The following SPECC1 variants were observed in gnomAD, a reference collection of about 807,000 sequenced individuals.
SPECC1 encodes the protein sperm antigen with calponin homology and coiled-coil domains 1, also known as cytospin-B.
A neutral mutation model predicts 104.1 loss-of-function variants in SPECC1; 62 were observed. That is an observed-to-expected ratio of 0.60 (90% CI 0.49 to 0.74). SPECC1 has a LOEUF of 0.74. Among genes scored for constraint, SPECC1 ranks in the 30% least tolerant of loss-of-function variants. The pLI, the probability that SPECC1 is intolerant of heterozygous loss-of-function variation, is 0.00. For synonymous variants in SPECC1, 513 were observed against 501.6 expected (o/e 1.02, Z -0.30); for missense variants, 1,306 against 1,310.5 (o/e 1.00, Z 0.05).
intron 5 of SPECC1, among the ~76,000 whole-genome samples, chr17:20,230,017 TGAA>T (rs1158741641): frequency 9.2e-5 from 14 of 152,156 alleles, no homozygotes; most frequent in Non-Finnish European, 1.9e-4. Flanking sequence ...ATCAGGAGGC[TGAA>T]GAAGAATTTA....
intron 13 of SPECC1, among the ~76,000 whole-genome samples, chr17:20,303,605 A>G (rs1324183965): frequency 6.6e-6 from 1 of 152,184 alleles, no homozygotes; most frequent in Middle Eastern, 3.2e-3. Flanking sequence ...AAGGGTATAA[A>G]ATGATGTATG....
intron 12 of SPECC1, among the ~76,000 whole-genome samples, chr17:20,264,308 C>A (rs1567591895): frequency 6.6e-6 from 1 of 151,942 alleles, no homozygotes; most frequent in African/African-American, 2.4e-5. Context: ...TTGCTTGATG[C>A]TGAGGCTTGA....
chr17:20,177,024 C>T (rs1015196384), intron 3 of SPECC1, among the ~76,000 whole-genome samples: 1 of 152,088 alleles, frequency 6.6e-6, no homozygotes, highest in Non-Finnish European at 1.5e-5. Flanking sequence ...GTGTGGACCT[C>T]AGACAAGGAA....
At chr17:20,099,427 C>G (rs1229328529) in intron 2 of SPECC1, among the ~76,000 whole-genome samples, 1 of 146,052 alleles carries the variant, frequency 6.8e-6, no homozygotes, top group Non-Finnish European at 1.5e-5. Flanking sequence ...GCTTATGCCA[C>G]TTTGGGAGGC....
At chr17:20,107,920 A>G (rs1312406702) in intron 2 of SPECC1, among the ~76,000 whole-genome samples, 1 of 152,204 alleles carries the variant, frequency 6.6e-6, no homozygotes, top group Non-Finnish European at 1.5e-5. Context: ...CTGAGGCAGG[A>G]AAGCCCAGGA....
chr17:20,253,204 A>G (rs2151568487), intron 9 of SPECC1, among the ~76,000 whole-genome samples: 1 of 152,306 alleles, frequency 6.6e-6, no homozygotes, highest in South Asian at 2.1e-4. Context: ...ATATACATAG[A>G]ACATTCCAGG....
At chr17:20,292,729 C>T (rs995651197) in intron 12 of SPECC1, among the ~76,000 whole-genome samples, 3 of 152,142 alleles carry the variant, frequency 2.0e-5, no homozygotes, top group Non-Finnish European at 4.4e-5. Context: ...CCCAGTGGCC[C>T]CAGAAGTTAC....
intron 9 of SPECC1, among the ~76,000 whole-genome samples, chr17:20,249,460 A>G (rs1185113687): frequency 6.6e-6 from 1 of 152,170 alleles, no homozygotes; most frequent in African/African-American, 2.4e-5. Flanking sequence ...ATACAAATAG[A>G]TAATACCAAA....
intron 12 of SPECC1, among the ~76,000 whole-genome samples, chr17:20,286,647 C>G (rs1437652394): frequency 2.0e-5 from 3 of 152,208 alleles, no homozygotes; most frequent in Non-Finnish European, 4.4e-5. Context: ...CCATGTCCCA[C>G]AAACTGCTGT....
chr17:20,264,929 C>T (rs1012486202), intron 12 of SPECC1, among the ~76,000 whole-genome samples: 4 of 152,152 alleles, frequency 2.6e-5, no homozygotes, highest in African/African-American at 9.7e-5. Flanking sequence ...CAGCTGCATC[C>T]ATGTTTTTGT....
rs1194329552 is a variant in SPECC1 at position 20,096,749 on chromosome 17, A to G, written c.98A>G (p.Lys33Arg). 6.2e-7 allele frequency: 1 copy of G among 1,614,202 alleles called. No homozygotes were observed. The highest frequency in any genetic ancestry group is 1.7e-5 in the Admixed American group (1 of 60,026). ...RPLPAASSGM[K>R]SSKSSTSLAF... The stretch of plus-strand genomic sequence containing the variant: ...CTGCCTGCAGCCTCTTCCGGCATGA[A>G]GAGTTCTAAGTCTTCAACTTCCTTG... The change falls in exon 2 of 15, where the codon AAG (lysine) becomes AGG (arginine). Residue 33 changes from lysine (K) to arginine (R), a missense_variant. By Grantham distance (26) the Lys-to-Arg change is conservative (BLOSUM62 2). This residue lies in a region of SPECC1 where 1,177 missense variants were observed against 1,139.9 expected (regional missense o/e 1.03). Transcript: ENST00000395527.
At chr17:20,257,312 C>T (rs776458887) in intron 10 of SPECC1, 139 bp from the exon 11 acceptor site, 112 of 989,998 alleles carry the variant, frequency 1.1e-4, no homozygotes, top group Admixed American at 1.7e-4. Flanking sequence ...ATCCCTATTG[C>T]ATTTTTATTA....
chr17:20,110,246 T>G (rs1034333856), intron 2 of SPECC1, among the ~76,000 whole-genome samples, 181 bp from the exon 3 acceptor site: 1 of 152,252 alleles, frequency 6.6e-6, no homozygotes, highest in Non-Finnish European at 1.5e-5. Flanking sequence ...GGACCTGTTA[T>G]GACAGAAACA....
Position 20,156,282 on chromosome 17 carries a change from C to CT in SPECC1, c.283+45720_283+45721insT, listed in dbSNP as rs1035267950. The CT allele has an allele frequency of 5.3e-6, 7 of 1,326,394 alleles. No individual in the cohort carries two copies. The African/African-American group carries it at 9.3e-5, about 18-fold the overall frequency. 82.2% of individuals were successfully genotyped at this position (1,326,394 alleles called of 1,614,324 possible). On this transcript the variant is annotated intron_variant, in intron 3 of 14. Transcript: ENST00000395527. ...TCGCGCCGCAGCCGCAACCCCACCCCCCCTCCAGGCGCCCTTCCCCCACCG... is the reference window on the plus strand; with the variant it reads ...TCGCGCCGCAGCCGCAACCCCACCCCTCCCTCCAGGCGCCCTTCCCCCACCG...
At chr17:20,241,467 C>T (rs935711005) in intron 7 of SPECC1, among the ~76,000 whole-genome samples, 10 of 152,232 alleles carry the variant, frequency 6.6e-5, no homozygotes, top group Non-Finnish European at 1.0e-4. Context: ...GGGTGGGGGA[C>T]ATTAGTTGGG....
rs192641498 is a variant in SPECC1, at chr17:20,107,582, G to A, written c.148-2845G>A. 8.6e-3 allele frequency among the ~76,000 whole-genome samples: 1,296 copies of A among 151,032 alleles called. 18 individuals are homozygous for A. The highest frequency in any genetic ancestry group is 0.03 in the African/African-American group (1,228 of 41,120). On this transcript the variant is annotated intron_variant, in intron 2 of 14. Transcript: ENST00000395527. ...AGCGATTCTCCTGCCTCAGCCTCCC[G>A]AGTAGCTGGGATTACAGGCATGTGT... is the stretch of plus-strand genomic sequence containing the variant.
At chr17:20,120,670 G>A in intron 3 of SPECC1, among the ~76,000 whole-genome samples, 1 of 152,160 alleles carries the variant, frequency 6.6e-6, no homozygotes, top group East Asian at 1.9e-4. Flanking sequence ...TTTCTACGAT[G>A]CATAGCATGG....
At chr17:20,250,466 G>A (rs973060126) in intron 9 of SPECC1, among the ~76,000 whole-genome samples, 1 of 152,088 alleles carries the variant, frequency 6.6e-6, no homozygotes, top group African/African-American at 2.4e-5. Context: ...AATAGTAAGA[G>A]AATATTATAT....
intron 1 of SPECC1, among the ~76,000 whole-genome samples, chr17:20,015,582 C>CTCTTTTTT (rs1469162594): frequency 1.2e-5 from 1 of 81,050 alleles, no homozygotes; most frequent in Admixed American, 1.3e-4. Context: ...TTCCGGGTCT[C>CTCTTTTTT]TATTTTTTTT....
Sources: allele counts gnomAD v4.1 joint callset (sites outside exome capture counted in the v4.1 genomes callset), GRCh38; gene constraint gnomAD v4.1.1; regional missense constraint gnomAD v4.1.1; transcripts MANE v1.5; gene names NCBI Gene and HGNC (gene_info 2026-07-23, HGNC 2026-07-21).